Variants in DDX4 observed in about 807,000 individuals in gnomAD.
DDX4 encodes probable ATP-dependent RNA helicase DDX4.
DDX4 carries 25 observed loss-of-function variants against 100.0 expected under a neutral mutation model. The ratio of observed to expected loss-of-function variants is 0.25; its 90% CI spans 0.18 to 0.35. DDX4 has a LOEUF of 0.35. DDX4 is among the 10% of genes least tolerant of loss of function. The pLI is 1.00. For missense variants in DDX4, 635 were observed against 882.4 expected (o/e 0.72, Z 3.55); for synonymous variants, 259 against 275.7 (o/e 0.94, Z 0.60).
chr5:55,760,634 CTT>C (rs1339397597), intron 4 of DDX4, among the ~76,000 whole-genome samples: 2 of 152,028 alleles, frequency 1.3e-5, no homozygotes, highest in African/African-American at 4.8e-5. Context: ...GAGAGGGACT[CTT>C]TCTTGAATTT....
At chr5:55,781,401 T>G (rs894276222) in intron 9 of DDX4, among the ~76,000 whole-genome samples, 1 of 152,084 alleles carries the variant, frequency 6.6e-6, no homozygotes, top group African/African-American at 2.4e-5. Flanking sequence ...GGATTCTGAG[T>G]TAGGGGAAAA....
chr5:55,809,011 A>C (rs1743939585), intron 18 of DDX4, among the ~76,000 whole-genome samples: 1 of 152,202 alleles, frequency 6.6e-6, no homozygotes, highest in African/African-American at 2.4e-5. Context: ...AAGCCTAGGC[A>C]ATGGCAGGTG....
In DDX4 at chr5:55,786,540, G is replaced by A. The variant is rs1322571170; in HGVS notation, c.887G>A (p.Cys296Tyr). ...CAGACTTTTGAAGAAGCTAATCTCT[G>A]TCAGACACTGAATAACAACATTGCT... ...AILTFEEANL[C>Y]QTLNNNIAKA... The change falls in exon 14 of 22, where the codon TGT becomes TAT. Residue 296 changes from cysteine to tyrosine, a missense_variant. Cys to Tyr is a radical substitution (Grantham distance 194). This residue lies in a region of DDX4 where 446 missense variants were observed against 540.8 expected (regional missense o/e 0.82). Coordinates refer to ENST00000505374, the MANE Select transcript of DDX4 (RefSeq NM_024415.3). The A allele has an allele frequency of 6.2e-7, 1 of 1,612,790 alleles. No homozygotes were observed. Among genetic ancestry groups the A allele is most frequent in the Non-Finnish European group, 8.5e-7 (1 of 1,179,016 alleles).
At chr5:55,812,541 C>A (rs186352515) in intron 18 of DDX4, among the ~76,000 whole-genome samples, 2 of 127,370 alleles carry the variant, frequency 1.6e-5, no homozygotes, top group Non-Finnish European at 3.7e-5. Context: ...TCCAGCAAGC[C>A]GAGATTGCGC....
At position 55,757,991 on chromosome 5, in the gene DDX4, G is replaced by A. The variant is rs1760045427; in HGVS notation, c.128-2209G>A. Among the ~76,000 whole-genome samples, 3 of 152,220 alleles carry A rather than the reference G, an allele frequency of 2.0e-5. No individual in the cohort carries two copies. The South Asian group carries it at 6.2e-4, about 31-fold the overall frequency. ...ACCTGGGGGTCAGAGGTCGCAGTGA[G>A]CGGAAATTGTGCCACTGCACTCCAA... On this transcript the variant is annotated intron_variant, in intron 3 of 21. Transcript: ENST00000505374.
At chr5:55,806,327 A>G (rs2112152357) in intron 18 of DDX4, among the ~76,000 whole-genome samples, 1 of 151,912 alleles carries the variant, frequency 6.6e-6, no homozygotes, top group African/African-American at 2.4e-5. Context: ...TATTTCCTTC[A>G]GTTCTGCTCT....
chr5:55,767,016 A>T, intron 6 of DDX4: 1 of 1,500,310 alleles, frequency 6.7e-7, no homozygotes, highest in Non-Finnish European at 8.8e-7. Flanking sequence ...CTACTATTTT[A>T]AAACTCTGGG....
Position 55,782,192 on chromosome 5 carries a change from C to A in DDX4, c.625+211C>A, listed in dbSNP as rs1180198500. ...CCAGGTTATTGCCTCTCTGATCCAG[C>A]AATTCCATTATAGGAATTATATACT... On this transcript the variant is annotated intron_variant, in intron 10 of 21. Coordinates refer to ENST00000505374, the MANE Select transcript of DDX4 (RefSeq NM_024415.3). The A allele has an allele frequency of 5.4e-6, 3 of 553,512 alleles. No individual in the cohort carries two copies. The South Asian group carries it at 7.5e-5, about 14-fold the overall frequency. The allele number at this position is 553,512 out of a possible 1,614,324, so 34.3% of individuals were successfully genotyped here.
chr5:55,790,695 G>A lies in DDX4; in HGVS notation c.1292G>A (p.Gly431Asp), dbSNP rs150405693. 1.0e-4 allele frequency: 166 copies of A among 1,611,858 alleles called. No individual in the cohort carries two copies. The African/African-American group carries it at 1.9e-3, about 18-fold the overall frequency. ...CCTGGAAGACTGATGGATATCATAGGCAAAGAAAAGGTACGCCTTATAGGA... is the reference window on the plus strand; with the variant it reads ...CCTGGAAGACTGATGGATATCATAGACAAAGAAAAGGTACGCCTTATAGGA... The part of the protein sequence containing the change: ...ATPGRLMDII[G>D]KEKIGLKQIK... Residue 431 changes from glycine (G) to aspartate (D), a missense_variant, in exon 16 of 22, where the codon GGC (glycine) becomes GAC (aspartate). Physicochemically the swap from Gly to Asp is moderately conservative, Grantham distance 94. This residue lies in a region of DDX4 where 446 missense variants were observed against 540.8 expected (regional missense o/e 0.82). Coordinates refer to ENST00000505374, the MANE Select transcript of DDX4 (RefSeq NM_024415.3).
In DDX4 at chr5:55,767,086, G is replaced by A. The variant is rs999088225; in HGVS notation, c.335-795G>A. The A allele has an allele frequency of 4.3e-5, 57 of 1,322,234 alleles. No individual in the cohort carries two copies. The East Asian group carries it at 1.5e-3, about 36-fold the overall frequency. 81.9% of individuals were successfully genotyped at this position (1,322,234 alleles called of 1,614,324 possible). Reference sequence around the variant, plus strand: ...AGGATATCCCCAAATTATTTCATTAGCATGAATGGGGGAAAGTTTGCATAT... The same window carrying A: ...AGGATATCCCCAAATTATTTCATTAACATGAATGGGGGAAAGTTTGCATAT... On this transcript the variant is annotated intron_variant, in intron 6 of 21. Transcript: ENST00000505374.
intron 14 of DDX4, 90 bp from the exon 15 acceptor site, chr5:55,787,756 T>C: frequency 7.2e-7 from 1 of 1,388,936 alleles, no homozygotes; most frequent in Non-Finnish European, 9.6e-7. Context: ...GGAAGTAGAG[T>C]CTAAAGGCTA....
chr5:55,813,270 A>G (rs893391084), intron 18 of DDX4, among the ~76,000 whole-genome samples: 2 of 152,194 alleles, frequency 1.3e-5, no homozygotes, highest in Non-Finnish European at 2.9e-5. Flanking sequence ...ACCTCAGGCA[A>G]TCATGGGAGA....
At chr5:55,804,575 A>G (rs1321995167) in intron 18 of DDX4, among the ~76,000 whole-genome samples, 2 of 152,322 alleles carry the variant, frequency 1.3e-5, no homozygotes, top group African/African-American at 4.8e-5. Context: ...TTTATTAAAT[A>G]GGGAATCCTT....
intron 10 of DDX4, 24 bp downstream of exon 10, chr5:55,782,005 G>A (rs547872266): frequency 1.2e-5 from 20 of 1,612,842 alleles, no homozygotes; most frequent in East Asian, 2.2e-5. Flanking sequence ...TTGTTTACCC[G>A]AAAGAAGTTA....
intron 16 of DDX4, among the ~76,000 whole-genome samples, chr5:55,791,567 A>T (rs549924534): frequency 6.6e-6 from 1 of 152,190 alleles, no homozygotes; most frequent in East Asian, 1.9e-4. Flanking sequence ...TAAGGATTTA[A>T]AGAGGTTAGA....
At chr5:55,738,836 C>T (rs772576744) in intron 1 of DDX4, 114 bp from the exon 2 acceptor site, 14 of 701,610 alleles carry the variant, frequency 2.0e-5, no homozygotes, top group Non-Finnish European at 3.2e-5. Flanking sequence ...TTTGGGGTAT[C>T]AGCACCTAGT....
chr5:55,816,717 C>T lies in DDX4; in HGVS notation c.*177C>T. On this transcript the variant is annotated 3_prime_UTR_variant, in exon 22 of 22. Coordinates refer to ENST00000505374, the MANE Select transcript of DDX4 (RefSeq NM_024415.3). Reference sequence around the variant, plus strand: ...TAGTTATGTGAGATGCTAAAACTTACAACATTGCAGTTACTGATACAAATG... The same window carrying T: ...TAGTTATGTGAGATGCTAAAACTTATAACATTGCAGTTACTGATACAAATG... 9.2e-7 allele frequency: 1 copy of T among 1,084,660 alleles called. No individual in the cohort carries two copies. Among genetic ancestry groups the T allele is most frequent in the Non-Finnish European group, 1.3e-6 (1 of 793,148 alleles). The allele number at this position is 1,084,660 out of a possible 1,614,324, so 67.2% of individuals were successfully genotyped here.
chr5:55,742,533 AAG>A (rs1759036812), intron 2 of DDX4, among the ~76,000 whole-genome samples: 1 of 152,236 alleles, frequency 6.6e-6, no homozygotes, highest in South Asian at 2.1e-4. Context: ...AATTGAAAGT[AAG>A]AATACAGGTG....
intron 2 of DDX4, among the ~76,000 whole-genome samples, chr5:55,745,324 T>C (rs574290104): frequency 1.2e-4 from 18 of 152,260 alleles, no homozygotes; most frequent in Non-Finnish European, 2.2e-4. Context: ...ATGAATATAC[T>C]GTAATATATG....
Sources: allele counts gnomAD v4.1 joint callset (sites outside exome capture counted in the v4.1 genomes callset), GRCh38; gene constraint gnomAD v4.1.1; regional missense constraint gnomAD v4.1.1; transcripts MANE v1.5; gene names NCBI Gene and HGNC (gene_info 2026-07-23, HGNC 2026-07-21).